The following BOD1L1 variants were observed in gnomAD, a reference collection of about 807,000 sequenced individuals.
The protein encoded by BOD1L1 is biorientation of chromosomes in cell division protein 1-like 1.
BOD1L1 carries 86 observed loss-of-function variants against 240.7 expected under a neutral mutation model. The ratio of observed to expected loss-of-function variants is 0.36; its 90% confidence interval spans 0.30 to 0.43. The LOEUF is 0.43. BOD1L1 is among the 20% of genes least tolerant of loss of function. The pLI is 1.00. For missense variants in BOD1L1, 3,554 were observed against 3,643.5 expected (o/e 0.98, Z 0.63); for synonymous variants, 1,268 against 1,272.3 (o/e 1.00, Z 0.07).
At position 13,599,323 on chromosome 4, in the gene BOD1L1, A is replaced by G. The variant is rs1035325699; in HGVS notation, c.7577T>C (p.Leu2526Ser). 3 of 1,613,748 alleles carry G rather than the reference A, an allele frequency of 1.9e-6. No homozygotes were observed. Among genetic ancestry groups the G allele is most frequent in the Non-Finnish European group, 2.5e-6 (3 of 1,179,840 alleles). ...AKDPSVSIRY[L>S]AAVNTGAIKA... ...TATAGCACCGGTGTTTACTGCTGCC[A>G]AATAGCGAATGCTGACAGAGGGATC... The change falls in exon 10 of 26, where the codon TTG (leucine) becomes TCG (serine). Residue 2526 changes from leucine (L) to serine (S), a missense_variant. By Grantham distance (145) the Leu-to-Ser change is moderately radical. This residue lies in a region of BOD1L1 where 3,393 missense variants were observed against 3,427.1 expected (regional missense o/e 0.99). Transcript: ENST00000040738.
Position 13,613,778 on chromosome 4 carries a change from A to C in BOD1L1, c.1175-117T>G. The C allele has an allele frequency of 1.3e-6, 1 of 754,812 alleles. No homozygotes were observed. Among genetic ancestry groups the C allele is most frequent in the East Asian group, 3.0e-5 (1 of 33,110 alleles). 46.8% of individuals were successfully genotyped at this position (754,812 alleles called of 1,614,324 possible). On this transcript the variant is annotated intron_variant, in intron 4 of 25. Coordinates refer to ENST00000040738, the MANE Select transcript of BOD1L1 (RefSeq NM_148894.3). This position sits in a 1 kb window ranked among gnomAD's most constrained non-coding sequence, Gnocchi z 4.0. ...TGCTTTAAATACGTGTCAAACTATCAAACAAGGCAGAGTGGTTTCCAGAAA... is the reference window on the plus strand; with the variant it reads ...TGCTTTAAATACGTGTCAAACTATCCAACAAGGCAGAGTGGTTTCCAGAAA...
At chr4:13,576,666 A>G (rs1212906723) in intron 25 of BOD1L1, among the ~76,000 whole-genome samples, 172 bp downstream of exon 25, 1 of 152,246 alleles carries the variant, frequency 6.6e-6, no homozygotes, top group African/African-American at 2.4e-5. Flanking sequence ...TTTAGGACAG[A>G]AAATGTGTTC....
intron 11 of BOD1L1, 56 bp from the exon 12 acceptor site, chr4:13,596,000 T>A: frequency 7.1e-7 from 1 of 1,416,908 alleles, no homozygotes; most frequent in Non-Finnish European, 9.8e-7. Context: ...ACAAGAAGAC[T>A]AACCTCAAGT....
rs182098408 is a variant in BOD1L1, at chr4:13,614,039, T to C, written c.1174+157A>G. Among the ~76,000 whole-genome samples the C allele has an allele frequency of 7.9e-5, 12 of 152,242 alleles. No homozygotes were observed. In the East Asian group the frequency reaches 1.9e-3, roughly 24 times the overall value. On this transcript the variant is annotated intron_variant, in intron 4 of 25. Transcript: ENST00000040738. ...GAACAGATATATGAGTACACAAAAA[T>C]ACAAATATTTATTGCTTTTTTTCTT...
Position 13,600,657 on chromosome 4 carries a change from G to A in BOD1L1, c.6243C>T (p.Tyr2081=). Residue 2081 remains tyrosine (Y), a synonymous_variant, in exon 10 of 26, where the codon TAC becomes TAT. Transcript: ENST00000040738. ...CTGTAATTGCGCTTACCTGAGGGGT[G>A]TAATCATTTGTGGTACTGGTGGAAA... is the stretch of plus-strand genomic sequence containing the variant. ...LIISTSTTND[Y]TPQVSAITDV... 6.2e-7 allele frequency: 1 copy of A among 1,613,978 alleles called. No homozygotes were observed. The highest frequency in any genetic ancestry group is 1.3e-5 in the African/African-American group (1 of 75,036).
At chr4:13,581,850 A>G (rs753191647) in intron 19 of BOD1L1, among the ~76,000 whole-genome samples, 9 of 151,990 alleles carry the variant, frequency 5.9e-5, no homozygotes, top group Non-Finnish European at 1.2e-4. Context: ...CCTTCTGCAC[A>G]CCCTGCTGCT....
Position 13,614,445 on chromosome 4 carries a change from G to A in BOD1L1, c.925C>T (p.Gln309Ter). ...NLILLNKDVQ[Q>*]ESSEQKNKST... ...TTATTTTTTTGCTCACTGCTTTCCTGTTGAACATCCTTATTTAGCAGAATT... is the reference window on the plus strand; with the variant it reads ...TTATTTTTTTGCTCACTGCTTTCCTATTGAACATCCTTATTTAGCAGAATT... The change falls in exon 4 of 26, where the codon CAG becomes TAG. Residue 309 changes from glutamine (Q) to a stop codon, truncating the protein, a stop_gained. Coordinates refer to ENST00000040738, the MANE Select transcript of BOD1L1 (RefSeq NM_148894.3). LOFTEE classifies it high-confidence loss of function. 1 of 1,610,456 alleles carries A rather than the reference G, an allele frequency of 6.2e-7. No homozygotes were observed. The highest frequency in any genetic ancestry group is 1.1e-5 in the South Asian group (1 of 90,672).
intron 11 of BOD1L1, among the ~76,000 whole-genome samples, chr4:13,596,517 T>C (rs1714633742): frequency 6.6e-6 from 1 of 151,738 alleles, no homozygotes; most frequent in Non-Finnish European, 1.5e-5. Context: ...TATACTTGGA[T>C]GGTGCCTTCA....
At chr4:13,622,497 A>G (rs781750293) in intron 1 of BOD1L1, among the ~76,000 whole-genome samples, 47 of 152,250 alleles carry the variant, frequency 3.1e-4, no homozygotes, top group Admixed American at 7.8e-4. Context: ...TTCCTTTTCC[A>G]GTGCTTTGGT....
At chr4:13,587,841 T>C (rs1713831205) in intron 15 of BOD1L1, 70 bp from the exon 16 acceptor site, 58 of 1,023,088 alleles carry the variant, frequency 5.7e-5, no homozygotes, top group Non-Finnish European at 7.9e-5. Flanking sequence ...AGGAGCACAC[T>C]GTACTAGATT....
At chr4:13,620,137 T>A in intron 1 of BOD1L1, 70 bp from the exon 2 acceptor site, 1 of 1,438,538 alleles carries the variant, frequency 7.0e-7, no homozygotes, top group South Asian at 1.4e-5. Context: ...CAGAAAAGTA[T>A]TTTTACCATG....
At position 13,599,032 on chromosome 4, in the gene BOD1L1, C is replaced by T; in HGVS notation, c.7868G>A (p.Gly2623Glu). The change falls in exon 10 of 26, where the codon GGA becomes GAA. Residue 2623 changes from glycine to glutamate, a missense_variant. Gly to Glu is a moderately conservative substitution (Grantham distance 98, BLOSUM62 -2). Transcript: ENST00000040738. The part of the protein sequence containing the change: ...WTDQASAEKT[G>E]DDNSTRKSFP... ...TGATTTCCTTGTGCTGTTATCATCT[C>T]CTGTTTTCTCAGCAGATGCTTGATC... 10 of 1,613,936 alleles carry T rather than the reference C, an allele frequency of 6.2e-6. No homozygotes were observed. The highest frequency in any genetic ancestry group is 8.5e-6 in the Non-Finnish European group (10 of 1,179,832).
At chr4:13,573,606 C>T (rs1039234745) in intron 25 of BOD1L1, among the ~76,000 whole-genome samples, 3 of 152,118 alleles carry the variant, frequency 2.0e-5, no homozygotes, top group Non-Finnish European at 2.9e-5. Context: ...TCACTGCAAC[C>T]TCCACTTCCC....
intron 8 of BOD1L1, among the ~76,000 whole-genome samples, chr4:13,607,697 A>T (rs1220819821): frequency 6.6e-6 from 1 of 152,214 alleles, no homozygotes; most frequent in Non-Finnish European, 1.5e-5. Flanking sequence ...CACAATCCCA[A>T]ACATAGCATT....
chr4:13,620,432 A>G (rs139936932), intron 1 of BOD1L1, among the ~76,000 whole-genome samples: 1 of 152,340 alleles, frequency 6.6e-6, no homozygotes, highest in African/African-American at 2.4e-5. Flanking sequence ...GCTGGGAATG[A>G]GAATGGCTGG....
chr4:13,570,203 A>T, intron 25 of BOD1L1, 75 bp from the exon 26 acceptor site: 9 of 1,096,634 alleles, frequency 8.2e-6, no homozygotes, highest in Non-Finnish European at 1.1e-5. Context: ...TTCCTTAAAA[A>T]ACAGAAGAGT....
At chr4:13,580,924 T>A in intron 21 of BOD1L1, 96 bp downstream of exon 21, 1 of 1,166,274 alleles carries the variant, frequency 8.6e-7, no homozygotes, top group Admixed American at 2.9e-5. Flanking sequence ...GCTTTTCAAG[T>A]AAAAAAAATA....
chr4:13,576,139 A>T (rs945586535), intron 25 of BOD1L1, among the ~76,000 whole-genome samples: 1 of 151,812 alleles, frequency 6.6e-6, no homozygotes, highest in Non-Finnish European at 1.5e-5. Context: ...GGACCTCGTG[A>T]TTCGCCTGCC....
intron 22 of BOD1L1, among the ~76,000 whole-genome samples, chr4:13,579,363 G>GA (rs1180244452): frequency 6.6e-6 from 1 of 152,160 alleles, no homozygotes; most frequent in Admixed American, 6.5e-5. Flanking sequence ...CAAGACACAA[G>GA]AAAAAATGAA....
Sources: allele counts gnomAD v4.1 joint callset (sites outside exome capture counted in the v4.1 genomes callset), GRCh38; gene constraint gnomAD v4.1.1; regional missense constraint gnomAD v4.1.1; non-coding constraint Gnocchi (gnomAD v3.1); transcripts MANE v1.5; gene names NCBI Gene and HGNC (gene_info 2026-07-23, HGNC 2026-07-21).